Variants in ADAMTS2 observed in about 807,000 individuals in gnomAD.
The protein encoded by ADAMTS2 is ADAM metallopeptidase with thrombospondin type 1 motif 2.
In ADAMTS2, 50 loss-of-function variants were observed where a neutral mutation model predicts 123.0. The observed-to-expected ratio is 0.41, with a 90% confidence interval of 0.32 to 0.51. The LOEUF (loss-of-function observed/expected upper bound fraction) is 0.51, where lower values mean the gene tolerates loss of function less well. Ranked by LOEUF, ADAMTS2 falls within the 20% of genes least tolerant of loss-of-function variation. The probability of loss-of-function intolerance (pLI) is 0.35; values close to 1 mark genes in which losing one functional copy is unlikely to be tolerated. For synonymous variants in ADAMTS2, 678 were observed against 695.4 expected, an observed-to-expected ratio of 0.98 and a Z score of 0.39; for missense variants, 1,494 against 1,705.2, an observed-to-expected ratio of 0.88 and a Z score of 2.18.
chr5:179,315,068 C>T (rs114490272), intron 2 of ADAMTS2, among the ~76,000 whole-genome samples: 3,252 of 150,942 alleles, frequency 0.022, 124 homozygotes, highest in African/African-American at 0.076. Flanking sequence ...GGCCCCACCC[C>T]GGCCTCCTCC....
In ADAMTS2 at chr5:179,275,070, C is replaced by T. The variant is rs183998486; in HGVS notation, c.535-2006G>A. 2.5e-3 allele frequency among the ~76,000 whole-genome samples: 388 copies of T among 152,184 alleles called. 2 individuals carry two copies. Among genetic ancestry groups the T allele is most frequent in the African/African-American group, 7.7e-3 (320 of 41,518 alleles). On this transcript the variant is annotated intron_variant, in intron 2 of 21. Coordinates refer to ENST00000251582, the MANE Select transcript of ADAMTS2 (RefSeq NM_014244.5). The stretch of plus-strand genomic sequence containing the variant: ...TGGGTGGACAGGAGCATCAAGGGCA[C>T]GGTGCCCGGTGGCCCATCACTCAGG...
intron 2 of ADAMTS2, among the ~76,000 whole-genome samples, chr5:179,302,428 C>T (rs562660908): frequency 1.3e-4 from 19 of 149,298 alleles, no homozygotes; most frequent in Admixed American, 6.0e-4. Flanking sequence ...GATAAGGCCC[C>T]GGACAACCCA....
chr5:179,194,180 G>A (rs1020793268), intron 4 of ADAMTS2, among the ~76,000 whole-genome samples: 1 of 152,186 alleles, frequency 6.6e-6, no homozygotes, highest in African/African-American at 2.4e-5. Context: ...GGAGGGAGGA[G>A]GGAGGAGGTG....
At chr5:179,125,925 C>G (rs936679714) in intron 18 of ADAMTS2, 73 bp downstream of exon 18, 1 of 1,599,626 alleles carries the variant, frequency 6.3e-7, no homozygotes, top group Non-Finnish European at 8.5e-7. Context: ...AGGCCCCACA[C>G]CTCCAAGCAC....
rs910522703 is a variant in ADAMTS2 at position 179,262,650 on chromosome 5, G to A, written c.688+10261C>T. 4.6e-5 allele frequency among the ~76,000 whole-genome samples: 7 copies of A among 152,148 alleles called. No homozygotes were observed. Among genetic ancestry groups the A allele is most frequent in the African/African-American group, 1.7e-4 (7 of 41,428 alleles). On this transcript the variant is annotated intron_variant, in intron 3 of 21. Coordinates refer to ENST00000251582, the MANE Select transcript of ADAMTS2 (RefSeq NM_014244.5). This position sits in a 1 kb window ranked among gnomAD's most constrained non-coding sequence, Gnocchi z 5.9. ...CTCTGCCTGGAACACCCTTCCCAGG[G>A]CTGGGCTTTCCCATCATCACCAACC...
At chr5:179,198,748 T>G (rs1764489333) in intron 4 of ADAMTS2, among the ~76,000 whole-genome samples, 1 of 151,450 alleles carries the variant, frequency 6.6e-6, no homozygotes, top group Non-Finnish European at 1.5e-5. Flanking sequence ...GCAGGAGAAT[T>G]GCTTGAACCT....
intron 5 of ADAMTS2, among the ~76,000 whole-genome samples, chr5:179,159,124 T>C (rs1366891698): frequency 6.6e-6 from 1 of 152,138 alleles, no homozygotes; most frequent in African/African-American, 2.4e-5. Context: ...AGTTTTCAGG[T>C]GAGATGCAGA....
At position 179,303,301 on chromosome 5, in the gene ADAMTS2, T is replaced by G. The variant is rs1756582336; in HGVS notation, c.535-30237A>C. On this transcript the variant is annotated intron_variant, in intron 2 of 21. Transcript: ENST00000251582. This position sits in a 1 kb window ranked among gnomAD's most constrained non-coding sequence, Gnocchi z 4.7. ...CATAGAGAGGTCCCTAGGAGAAGGT[T>G]CAGGTTCCAGTAGGATGGTGTGAGC... Among the ~76,000 whole-genome samples the G allele has an allele frequency of 6.6e-6, 1 of 152,160 alleles. No homozygotes were observed.
At chr5:179,192,887 C>T (rs1486518565) in intron 4 of ADAMTS2, among the ~76,000 whole-genome samples, 1 of 152,202 alleles carries the variant, frequency 6.6e-6, no homozygotes, top group Non-Finnish European at 1.5e-5. Context: ...TGCATTCTTG[C>T]TGATGCAACC....
At chr5:179,330,328 G>C (rs1757449824) in intron 2 of ADAMTS2, among the ~76,000 whole-genome samples, 1 of 152,050 alleles carries the variant, frequency 6.6e-6, no homozygotes, top group African/African-American at 2.4e-5. Flanking sequence ...CTGACACCAA[G>C]ACAGAGACGG....
In ADAMTS2 at chr5:179,242,280, G is replaced by A. The variant is rs1455642366; in HGVS notation, c.688+30631C>T. Among the ~76,000 whole-genome samples, 3 of 152,148 alleles carry A rather than the reference G, an allele frequency of 2.0e-5. No individual in the cohort carries two copies. The highest frequency in any genetic ancestry group is 4.8e-5 in the African/African-American group (2 of 41,426). On this transcript the variant is annotated intron_variant, in intron 3 of 21. Coordinates refer to ENST00000251582, the MANE Select transcript of ADAMTS2 (RefSeq NM_014244.5). This position sits in a 1 kb window ranked among gnomAD's most constrained non-coding sequence, Gnocchi z 4.2. Reference sequence around the variant, plus strand: ...GCCAGCGGTGCCTGCTGTCTTGCTCGCGTGTGCCAGCAAATCTCCTTTTCT... The same window carrying A: ...GCCAGCGGTGCCTGCTGTCTTGCTCACGTGTGCCAGCAAATCTCCTTTTCT...
chr5:179,114,314 G>A lies in ADAMTS2; in HGVS notation c.3189C>T (p.Cys1063=). 1.2e-6 allele frequency: 2 copies of A among 1,613,676 alleles called. No homozygotes were observed. Among genetic ancestry groups the A allele is most frequent in the Non-Finnish European group, 8.5e-7 (1 of 1,179,950 alleles). Residue 1063 remains cysteine (C), a synonymous_variant, in exon 22 of 22, where the codon TGC becomes TGT. Transcript: ENST00000251582. ...PIRKISSKGH[C]QGDKSIFCRM... Reference sequence around the variant, plus strand: ...TACAGAATATTGACTTGTCGCCTTGGCAGTGGCCCTCTGAAAAAGAAAAGT... The same window carrying A: ...TACAGAATATTGACTTGTCGCCTTGACAGTGGCCCTCTGAAAAAGAAAAGT...
chr5:179,194,941 C>T (rs559303426), intron 4 of ADAMTS2, among the ~76,000 whole-genome samples: 25 of 152,316 alleles, frequency 1.6e-4, no homozygotes, highest in African/African-American at 5.8e-4. Flanking sequence ...CTCCAAGCCC[C>T]ACAAGCTCCA....
intron 3 of ADAMTS2, among the ~76,000 whole-genome samples, chr5:179,220,450 G>A (rs564173734): frequency 6.6e-6 from 1 of 152,238 alleles, no homozygotes; most frequent in African/African-American, 2.4e-5. Context: ...CTCCCCGGAA[G>A]GCCTCAGGTA....
At position 179,202,855 on chromosome 5, in the gene ADAMTS2, A is replaced by T. The variant is rs1288607006; in HGVS notation, c.891+4658T>A. Among the ~76,000 whole-genome samples, 1 of 152,194 alleles carries T rather than the reference A, an allele frequency of 6.6e-6. No individual in the cohort carries two copies. Among genetic ancestry groups the T allele is most frequent in the Non-Finnish European group, 1.5e-5 (1 of 68,032 alleles). Reference sequence around the variant, plus strand: ...GAGATGGAGGGGACTCCAAGCTCTTACCAGCCTTGGTCCACAGGTGACCCA... The same window carrying T: ...GAGATGGAGGGGACTCCAAGCTCTTTCCAGCCTTGGTCCACAGGTGACCCA... On this transcript the variant is annotated intron_variant, in intron 4 of 21. Coordinates refer to ENST00000251582, the MANE Select transcript of ADAMTS2 (RefSeq NM_014244.5). This position sits in a 1 kb window ranked among gnomAD's most constrained non-coding sequence, Gnocchi z 4.0.
chr5:179,235,827 G>A lies in ADAMTS2; in HGVS notation c.689-28112C>T, dbSNP rs115962786. Among the ~76,000 whole-genome samples, 505 of 152,320 alleles carry A rather than the reference G, an allele frequency of 3.3e-3. 6 individuals carry two copies. Among genetic ancestry groups the A allele is most frequent in the African/African-American group, 0.012 (483 of 41,582 alleles). The stretch of plus-strand genomic sequence containing the variant: ...CCTGCTAGATCCTGGGGGTCTCCCT[G>A]CACTGGGATTGCTCCAACAGTGCCC... On this transcript the variant is annotated intron_variant, in intron 3 of 21. Coordinates refer to ENST00000251582, the MANE Select transcript of ADAMTS2 (RefSeq NM_014244.5).
rs1292461243 is a variant in ADAMTS2 at position 179,158,414 on chromosome 5, C to G, written c.1132+309G>C. On this transcript the variant is annotated intron_variant, in intron 6 of 21. Transcript: ENST00000251582. This position sits in a 1 kb window ranked among gnomAD's most constrained non-coding sequence, Gnocchi z 5.0. Reference sequence around the variant, plus strand: ...CTATAGAGTGAGTGGAGGTGACAGGCCTCCTTTCTTTCCAAATTGGCCCCA... The same window carrying G: ...CTATAGAGTGAGTGGAGGTGACAGGGCTCCTTTCTTTCCAAATTGGCCCCA... Among the ~76,000 whole-genome samples the G allele has an allele frequency of 2.0e-5, 3 of 152,172 alleles. No homozygotes were observed. The highest frequency in any genetic ancestry group is 2.0e-4 in the Admixed American group (3 of 15,280).
At chr5:179,240,359 A>T (rs1046421058) in intron 3 of ADAMTS2, among the ~76,000 whole-genome samples, 14 of 152,334 alleles carry the variant, frequency 9.2e-5, no homozygotes, top group African/African-American at 3.4e-4. Context: ...TTACAAAGCA[A>T]GAGTGACTCC....
At chr5:179,306,045 C>T (rs1366846983) in intron 2 of ADAMTS2, among the ~76,000 whole-genome samples, 1 of 152,070 alleles carries the variant, frequency 6.6e-6, no homozygotes, top group Admixed American at 6.5e-5. Flanking sequence ...ATTCTACTAA[C>T]CTCTCAGGAA....
Sources: allele counts gnomAD v4.1 joint callset (sites outside exome capture counted in the v4.1 genomes callset), GRCh38; gene constraint gnomAD v4.1.1; non-coding constraint Gnocchi (gnomAD v3.1); transcripts MANE v1.5; gene names NCBI Gene and HGNC (gene_info 2026-07-23, HGNC 2026-07-21).